ENTREP2: variants seen among roughly 807,000 people sequenced by gnomAD.
ENTREP2 encodes protein ENTREP2.
the ENTREP2 span, among the ~76,000 whole-genome samples, chr15:29,659,024 C>T: frequency 1.1e-4 from 17 of 152,218 alleles, no homozygotes; most frequent in Admixed American, 2.6e-4. Context: ...CCAGGCTGTG[C>T]GCTGCAATTG....
At chr15:29,157,672 A>C in the ENTREP2 span, among the ~76,000 whole-genome samples, 1 of 152,140 alleles carries the variant, frequency 6.6e-6, no homozygotes, top group African/African-American at 2.4e-5. Flanking sequence ...AGAACTCTTA[A>C]GTATGTATTT....
At chr15:29,255,761 G>C in the ENTREP2 span, among the ~76,000 whole-genome samples, 2 of 152,032 alleles carry the variant, frequency 1.3e-5, no homozygotes, top group Non-Finnish European at 2.9e-5. Flanking sequence ...CAGCACTTTG[G>C]GGGGTCGAGG....
chr15:29,606,707 A>T, the ENTREP2 span, among the ~76,000 whole-genome samples: 1 of 152,074 alleles, frequency 6.6e-6, no homozygotes, highest in Non-Finnish European at 1.5e-5. Context: ...AGATGTCCAA[A>T]GAATTTCTCT....
the ENTREP2 span, among the ~76,000 whole-genome samples, chr15:29,329,190 G>A: frequency 3.3e-5 from 5 of 151,530 alleles, no homozygotes; most frequent in East Asian, 1.9e-4. Flanking sequence ...GTGAAACCCC[G>A]TCTCTACTAA....
At chr15:29,223,052 G>A in the ENTREP2 span, among the ~76,000 whole-genome samples, 1 of 152,094 alleles carries the variant, frequency 6.6e-6, no homozygotes, top group East Asian at 1.9e-4. Context: ...ATTACTCTCC[G>A]TTGCTCAACT....
chr15:29,582,345 C>G, the ENTREP2 span, among the ~76,000 whole-genome samples: 1 of 151,306 alleles, frequency 6.6e-6, no homozygotes, highest in African/African-American at 2.4e-5. Context: ...ACATGTAAAA[C>G]AGAAATGAAA....
the ENTREP2 span, among the ~76,000 whole-genome samples, chr15:29,401,456 T>A: frequency 1.8e-4 from 27 of 152,156 alleles, no homozygotes; most frequent in African/African-American, 6.3e-4. Context: ...AAGATAAGTA[T>A]TTTTTTCAAC....
At chr15:29,501,946 T>C in the ENTREP2 span, among the ~76,000 whole-genome samples, 229 of 151,790 alleles carry the variant, frequency 1.5e-3, 2 homozygotes, top group African/African-American at 5.3e-3. Context: ...GAATAAAATA[T>C]TCAGAAAAAA....
the ENTREP2 span, among the ~76,000 whole-genome samples, chr15:29,588,569 G>A: frequency 1.0e-5 from 1 of 95,988 alleles, no homozygotes; most frequent in South Asian, 5.2e-4. Context: ...AGAGAGAGAA[G>A]GAGAAGGGAG....
At chr15:29,430,103 G>A in the ENTREP2 span, among the ~76,000 whole-genome samples, 16 of 152,158 alleles carry the variant, frequency 1.1e-4, no homozygotes, top group Non-Finnish European at 1.8e-4. Flanking sequence ...TGGAGGAAGC[G>A]GAAACAAGAA....
chr15:29,300,052 G>C, the ENTREP2 span, among the ~76,000 whole-genome samples: 2 of 151,250 alleles, frequency 1.3e-5, no homozygotes, highest in Non-Finnish European at 2.9e-5. Context: ...TAGATGGATA[G>C]ATGAATGGGT....
the ENTREP2 span, among the ~76,000 whole-genome samples, chr15:29,396,946 G>A: frequency 1.3e-5 from 2 of 152,206 alleles, no homozygotes; most frequent in African/African-American, 4.8e-5. Context: ...ATTGTTAAAT[G>A]TAAATAAATA....
chr15:29,597,026 T>C, the ENTREP2 span, among the ~76,000 whole-genome samples: 2 of 151,596 alleles, frequency 1.3e-5, no homozygotes, highest in South Asian at 2.1e-4. Flanking sequence ...GTAAAGTTCA[T>C]AGAAATCCCC....
the ENTREP2 span, among the ~76,000 whole-genome samples, chr15:29,649,727 C>CAAAAAAAAAAAA: frequency 3.9e-4 from 26 of 66,618 alleles, no homozygotes; most frequent in African/African-American, 6.5e-4. Context: ...TCAACAACAA[C>CAAAAAAAAAAAA]AAAAAAAAAA....
chr15:29,429,456 A>C, the ENTREP2 span, among the ~76,000 whole-genome samples: 4 of 152,208 alleles, frequency 2.6e-5, no homozygotes, highest in Admixed American at 6.5e-5. Flanking sequence ...TCTGGCCTCA[A>C]GCAATCCTCC....
chr15:29,204,782 G>A, the ENTREP2 span, among the ~76,000 whole-genome samples: 1 of 152,104 alleles, frequency 6.6e-6, no homozygotes, highest in East Asian at 1.9e-4. Flanking sequence ...TTCAAACAAA[G>A]CTACAAAAAC....
the ENTREP2 span, among the ~76,000 whole-genome samples, chr15:29,550,998 A>T: frequency 1.3e-5 from 2 of 152,144 alleles, no homozygotes; most frequent in East Asian, 3.9e-4. Context: ...CACGTTATCC[A>T]CCCTGCCATG....
the ENTREP2 span, among the ~76,000 whole-genome samples, chr15:29,143,908 G>A: frequency 1.3e-5 from 2 of 152,218 alleles, 1 homozygote. Flanking sequence ...TCATGAAGAT[G>A]TGAAGGGATG....
the ENTREP2 span, among the ~76,000 whole-genome samples, chr15:29,202,911 G>A: frequency 6.6e-6 from 1 of 152,164 alleles, no homozygotes; most frequent in Non-Finnish European, 1.5e-5. Flanking sequence ...TTGGTTCCAA[G>A]TCTTTGCTAT....
Sources: gnomAD v4.1 joint callset for allele counts (sites outside exome capture counted in the v4.1 genomes callset) on GRCh38, gnomAD v4.1.1 for gene constraint, MANE v1.5 for transcripts, NCBI Gene and HGNC (gene_info 2026-07-23, HGNC 2026-07-21) for gene names.